SNX30: variants seen among roughly 807,000 people sequenced by gnomAD.
The protein encoded by SNX30 is sorting nexin family member 30.
SNX30 carries 24 observed loss-of-function variants against 46.4 expected under a neutral mutation model. That is an observed-to-expected ratio of 0.52 (90% CI 0.37 to 0.73). The LOEUF (loss-of-function observed/expected upper bound fraction) is 0.73. Ranked by LOEUF, SNX30 falls within the 30% of genes least tolerant of loss-of-function variation. The pLI is 0.00. For synonymous variants in SNX30, 189 were observed against 211.5 expected (o/e 0.89, Z 0.92); for missense variants, 533 against 555.7 (o/e 0.96, Z 0.41).
chr9:112,770,429 C>T (rs557815953), intron 1 of SNX30, among the ~76,000 whole-genome samples: 83 of 152,066 alleles, frequency 5.5e-4, no homozygotes, highest in African/African-American at 2.0e-3. Flanking sequence ...CCTCGTCCCC[C>T]CAAAGTGCTG....
intron 3 of SNX30, among the ~76,000 whole-genome samples, chr9:112,826,760 G>A (rs1840585085): frequency 6.6e-6 from 1 of 152,186 alleles, no homozygotes; most frequent in African/African-American, 2.4e-5. Flanking sequence ...TGCTTAGCAC[G>A]AAAAGCTGGG....
In SNX30 at chr9:112,864,230, G is replaced by T. The variant is rs9969687; in HGVS notation, c.1102-17G>T. 3,877 of 1,613,236 alleles carry T rather than the reference G, an allele frequency of 2.4e-3. 83 individuals are homozygous for T. The African/African-American group carries it at 0.047, about 19-fold the overall frequency. On this transcript the variant is annotated splice_polypyrimidine_tract_variant and intron_variant, in intron 7 of 8. Coordinates refer to ENST00000374232, the MANE Select transcript of SNX30 (RefSeq NM_001012994.2). ...AGTTTTGTGTGCAGGGCACCCATGT[G>T]TGCCTCCCTTTTCCAGGTACCGGCG...
At chr9:112,867,175 C>A (rs982257838) in intron 8 of SNX30, among the ~76,000 whole-genome samples, 2 of 148,778 alleles carry the variant, frequency 1.3e-5, no homozygotes, top group African/African-American at 5.0e-5. Context: ...TCTCAGGATT[C>A]CTCCTCCCTC....
rs200594984 is a variant in SNX30, at chr9:112,869,050, C to A, written c.*207C>A. On this transcript the variant is annotated 3_prime_UTR_variant, in exon 9 of 9. Coordinates refer to ENST00000374232, the MANE Select transcript of SNX30 (RefSeq NM_001012994.2). ...GGTGGAGTCTGTGAGGCTAGAATAT[C>A]TCTCAGCAAGAGCAGCATACCTCCA... 3.1e-6 allele frequency: 1 copy of A among 319,926 alleles called. No individual in the cohort carries two copies. Among genetic ancestry groups the A allele is most frequent in the Non-Finnish European group, 6.0e-6 (1 of 167,716 alleles). The allele number at this position is 319,926 out of a possible 1,614,324, so 19.8% of individuals were successfully genotyped here.
chr9:112,835,055 A>G (rs1840731565), intron 4 of SNX30, among the ~76,000 whole-genome samples: 1 of 152,170 alleles, frequency 6.6e-6, no homozygotes. Flanking sequence ...CACATTCCAC[A>G]TTCTCTGCTC....
chr9:112,768,157 G>C (rs1204249989), intron 1 of SNX30, among the ~76,000 whole-genome samples: 1 of 152,164 alleles, frequency 6.6e-6, no homozygotes, highest in Non-Finnish European at 1.5e-5. Flanking sequence ...TCTGTGATCA[G>C]GTACCTGTTT....
At chr9:112,842,494 G>A (rs1197976196) in intron 6 of SNX30, among the ~76,000 whole-genome samples, 1 of 152,262 alleles carries the variant, frequency 6.6e-6, no homozygotes, top group Non-Finnish European at 1.5e-5. Flanking sequence ...TCCTGATGGA[G>A]CTGTGGTGGG....
chr9:112,838,902 G>T (rs1453469876), intron 6 of SNX30, among the ~76,000 whole-genome samples: 1 of 152,116 alleles, frequency 6.6e-6, no homozygotes, highest in East Asian at 1.9e-4. Flanking sequence ...AAAAAGTTTG[G>T]TAAGAAATTC....
chr9:112,780,626 TC>T (rs1564266638), intron 1 of SNX30, among the ~76,000 whole-genome samples: 1 of 152,200 alleles, frequency 6.6e-6, no homozygotes, highest in Non-Finnish European at 1.5e-5. Context: ...GGTAGCGCCA[TC>T]ATGCATAGAA....
chr9:112,820,792 T>C (rs1840480402), intron 3 of SNX30, among the ~76,000 whole-genome samples: 1 of 152,170 alleles, frequency 6.6e-6, no homozygotes, highest in East Asian at 1.9e-4. Context: ...ACAACGTGAT[T>C]TTTTTTGTTA....
intron 1 of SNX30, among the ~76,000 whole-genome samples, chr9:112,788,124 G>A (rs563356235): frequency 1.1e-4 from 17 of 152,212 alleles, no homozygotes; most frequent in African/African-American, 3.6e-4. Context: ...CTGTAAGAGT[G>A]GATTAACAGT....
In SNX30 at chr9:112,850,922, C is replaced by G; in HGVS notation, c.1078C>G (p.Leu360Val). The change falls in exon 7 of 9, where the codon CTG becomes GTG. Residue 360 changes from leucine (L) to valine (V), a missense_variant. Leu to Val is a conservative substitution (Grantham distance 32, BLOSUM62 1). Transcript: ENST00000374232. The part of the protein sequence containing the change: ...EYEAKLEAVA[L>V]RKEDRPKVPA... ...TGAAGCCAAACTGGAAGCTGTGGCTCTGCGGAAGGAAGACCGCCCCAAGGT... is the reference window on the plus strand; with the variant it reads ...TGAAGCCAAACTGGAAGCTGTGGCTGTGCGGAAGGAAGACCGCCCCAAGGT... 1 of 1,614,022 alleles carries G rather than the reference C, an allele frequency of 6.2e-7. No homozygotes were observed. Among genetic ancestry groups the G allele is most frequent in the Non-Finnish European group, 8.5e-7 (1 of 1,179,990 alleles).
intron 2 of SNX30, among the ~76,000 whole-genome samples, chr9:112,807,513 A>T (rs1047792273): frequency 6.6e-6 from 1 of 152,102 alleles, no homozygotes; most frequent in African/African-American, 2.4e-5. Context: ...TCCTCAGAGG[A>T]CCTAGATTAA....
intron 5 of SNX30, 116 bp downstream of exon 5, chr9:112,836,525 C>G: frequency 8.9e-7 from 1 of 1,125,062 alleles, no homozygotes; most frequent in East Asian, 2.5e-5. Context: ...ACTAGGCCAT[C>G]TTTTGCTTAT....
chr9:112,758,317 TG>T (rs1379883241), intron 1 of SNX30, among the ~76,000 whole-genome samples: 1 of 151,972 alleles, frequency 6.6e-6, no homozygotes, highest in Admixed American at 6.6e-5. Context: ...TATTTAAACA[TG>T]CTCAAGTTGC....
downstream of SNX30, among the ~76,000 whole-genome samples, chr9:112,882,681 A>T (rs1298753076): frequency 6.6e-6 from 1 of 151,960 alleles, no homozygotes; most frequent in Non-Finnish European, 1.5e-5. Flanking sequence ...GGCCTGATTG[A>T]TTGGAGGTGG....
chr9:112,810,139 C>A (rs767113472), intron 2 of SNX30, among the ~76,000 whole-genome samples: 3 of 151,998 alleles, frequency 2.0e-5, no homozygotes, highest in Admixed American at 6.6e-5. Flanking sequence ...GATGATGAAG[C>A]CTTCTAAGGG....
At chr9:112,883,700 CTT>C (rs71384287), downstream of SNX30, among the ~76,000 whole-genome samples, 171 of 121,314 alleles carry the variant, frequency 1.4e-3, no homozygotes, top group South Asian at 4.5e-3. Context: ...TTTTTCTTTT[CTT>C]TTTTTTTTTT....
chr9:112,851,598 C>T (rs71503544), intron 7 of SNX30, among the ~76,000 whole-genome samples: 31,576 of 152,186 alleles, frequency 0.21, 4,022 homozygotes, highest in Non-Finnish European at 0.28. Context: ...AGGTTCACCT[C>T]ACCTGCTGCC....
Sources: gnomAD v4.1 joint callset for allele counts (sites outside exome capture counted in the v4.1 genomes callset) on GRCh38, gnomAD v4.1.1 for gene constraint, MANE v1.5 for transcripts, NCBI Gene and HGNC (gene_info 2026-07-23, HGNC 2026-07-21) for gene names.